The following RNLS variants were observed in gnomAD, a reference collection of about 807,000 sequenced individuals.
RNLS encodes the protein renalase, FAD dependent amine oxidase, also known as renalase.
A neutral mutation model predicts 39.8 loss-of-function variants in RNLS; 39 were observed. That is an observed-to-expected ratio of 0.98 (90% confidence interval 0.76 to 1.28). RNLS has a LOEUF of 1.28. Ranked by LOEUF, RNLS falls within the 50% of genes most tolerant of loss-of-function variation. The probability of loss-of-function intolerance (pLI) is 0.00; values close to 1 mark genes in which losing one functional copy is unlikely to be tolerated. For missense variants in RNLS, 410 were observed against 413.3 expected (o/e 0.99, Z 0.07); for synonymous variants, 147 against 150.7 (o/e 0.98, Z 0.18).
chr10:88,465,058 C>T (rs989358592), intron 4 of RNLS, among the ~76,000 whole-genome samples: 7 of 152,064 alleles, frequency 4.6e-5, no homozygotes, highest in Non-Finnish European at 1.0e-4. Flanking sequence ...ACGATATAGG[C>T]TGTTATGAAG....
At chr10:88,504,800 A>G (rs1254471371) in intron 4 of RNLS, among the ~76,000 whole-genome samples, 1 of 151,616 alleles carries the variant, frequency 6.6e-6, no homozygotes. Context: ...GTAATTCTGA[A>G]TCTATTTTGT....
chr10:88,568,756 C>T (rs994875948), intron 4 of RNLS, among the ~76,000 whole-genome samples: 3 of 152,096 alleles, frequency 2.0e-5, no homozygotes, highest in African/African-American at 7.2e-5. Context: ...AGTTCTCAAC[C>T]CTGGCTGCAC....
intron 4 of RNLS, among the ~76,000 whole-genome samples, chr10:88,495,987 T>C (rs1303230083): frequency 1.3e-5 from 2 of 152,126 alleles, no homozygotes; most frequent in African/African-American, 4.8e-5. Flanking sequence ...TGGTTGGGGA[T>C]GCAGAAGACA....
intron 6 of RNLS, among the ~76,000 whole-genome samples, chr10:88,293,522 A>G (rs1283898011): frequency 1.3e-5 from 2 of 152,200 alleles, no homozygotes; most frequent in East Asian, 3.8e-4. Flanking sequence ...TGCATTTTAT[A>G]TATATAATAT....
intron 4 of RNLS, among the ~76,000 whole-genome samples, chr10:88,492,155 C>A (rs749892675): frequency 2.5e-4 from 38 of 152,000 alleles, no homozygotes; most frequent in Non-Finnish European, 1.0e-4. Flanking sequence ...GAGAACCTCC[C>A]AAACTGATTT....
the RNLS span, among the ~76,000 whole-genome samples, chr10:88,263,303 G>A: frequency 6.6e-6 from 1 of 152,028 alleles, no homozygotes; most frequent in African/African-American, 2.4e-5. Flanking sequence ...GGGCATGTGG[G>A]ATCTCTGAGT....
chr10:88,230,790 T>G, the RNLS span, among the ~76,000 whole-genome samples: 20,309 of 152,308 alleles, frequency 0.13, 1,527 homozygotes, highest in South Asian at 0.22. Flanking sequence ...CTAATACTCA[T>G]GGGATTATCC....
chr10:88,485,549 T>A (rs7917100), intron 4 of RNLS, among the ~76,000 whole-genome samples: 53,259 of 148,798 alleles, frequency 0.36, 10,900 homozygotes, highest in African/African-American at 0.57. Context: ...TCTATGATAA[T>A]AAAAGAATTA....
chr10:88,286,901 C>T (rs1213927650), intron 6 of RNLS, among the ~76,000 whole-genome samples: 1 of 151,576 alleles, frequency 6.6e-6, no homozygotes, highest in Admixed American at 6.6e-5. Context: ...AAGAGATTCT[C>T]CTGCCTTAGC....
chr10:88,485,792 TAAAG>T (rs1335071702), intron 4 of RNLS, among the ~76,000 whole-genome samples: 3 of 151,892 alleles, frequency 2.0e-5, no homozygotes, highest in Non-Finnish European at 2.9e-5. Flanking sequence ...AATAGAGACA[TAAAG>T]AAAGAGACAT....
the RNLS span, among the ~76,000 whole-genome samples, chr10:88,266,614 A>G: frequency 6.6e-6 from 1 of 151,938 alleles, no homozygotes; most frequent in Non-Finnish European, 1.5e-5. Flanking sequence ...GCAAACAGAA[A>G]TATTCTATTG....
At chr10:88,343,758 T>C in intron 5 of RNLS, 1 of 985,418 alleles carries the variant, frequency 1.0e-6, no homozygotes, top group Non-Finnish European at 1.2e-6. Context: ...AAAACATCTA[T>C]TTATCCTGGG....
chr10:88,250,152 T>C, the RNLS span, among the ~76,000 whole-genome samples: 2 of 152,236 alleles, frequency 1.3e-5, no homozygotes, highest in African/African-American at 4.8e-5. Context: ...TAAACTGTGT[T>C]CTAATCACTT....
intron 4 of RNLS, among the ~76,000 whole-genome samples, chr10:88,481,713 GA>G (rs1346949564): frequency 6.6e-6 from 1 of 151,996 alleles, no homozygotes; most frequent in Non-Finnish European, 1.5e-5. Context: ...GTATTTTAAA[GA>G]AGTTACTATG....
rs556483670 is a variant in RNLS, at chr10:88,580,913, C to T, written c.367+654G>A. Among the ~76,000 whole-genome samples the T allele has an allele frequency of 4.1e-4, 63 of 152,248 alleles. No homozygotes were observed. In the South Asian group the frequency reaches 5.2e-3, roughly 13 times the overall value. On this transcript the variant is annotated intron_variant, in intron 3 of 6. Coordinates refer to ENST00000331772, the MANE Select transcript of RNLS (RefSeq NM_001031709.3). The stretch of plus-strand genomic sequence containing the variant: ...TCTTTAAGATTAATACACAGCACAA[C>T]CTAGCTAAGTTAAAAATGCAAATAT...
At chr10:88,317,274 T>G (rs1372570430) in intron 5 of RNLS, among the ~76,000 whole-genome samples, 4 of 152,212 alleles carry the variant, frequency 2.6e-5, no homozygotes, top group Non-Finnish European at 5.9e-5. Context: ...CTTCACTTTT[T>G]TCCATCAATT....
chr10:88,174,082 T>C, the RNLS span, among the ~76,000 whole-genome samples: 9 of 152,176 alleles, frequency 5.9e-5, no homozygotes, highest in Admixed American at 3.9e-4. Context: ...GCATTACCAA[T>C]TTTTGTAAGT....
chr10:88,370,695 T>C (rs1850487720), intron 4 of RNLS, among the ~76,000 whole-genome samples: 1 of 152,190 alleles, frequency 6.6e-6, no homozygotes, highest in African/African-American at 2.4e-5. Context: ...CAATAGTATC[T>C]TAGCCAGAAT....
At chr10:88,553,548 A>G (rs1786679196) in intron 4 of RNLS, among the ~76,000 whole-genome samples, 1 of 152,202 alleles carries the variant, frequency 6.6e-6, no homozygotes, top group African/African-American at 2.4e-5. Flanking sequence ...AAGATTTTAT[A>G]TAGTACACAA....
Sources: gnomAD v4.1 joint callset for allele counts (sites outside exome capture counted in the v4.1 genomes callset) on GRCh38, gnomAD v4.1.1 for gene constraint, MANE v1.5 for transcripts, NCBI Gene and HGNC (gene_info 2026-07-23, HGNC 2026-07-21) for gene names.